Variants in IBTK observed in about 807,000 individuals in gnomAD.
IBTK encodes BTK-binding protein.
Under a neutral mutation model 154.9 loss-of-function variants are expected in IBTK, and 83 were observed. That is an observed-to-expected ratio of 0.54 (90% CI 0.45 to 0.64). The LOEUF is 0.64. IBTK is among the 30% of genes least tolerant of loss of function. The probability of loss-of-function intolerance (pLI) is 0.00; values close to 1 mark genes in which losing one functional copy is unlikely to be tolerated. For missense variants in IBTK, 1,332 were observed against 1,584.6 expected (o/e 0.84, Z 2.71); for synonymous variants, 515 against 536.1 (o/e 0.96, Z 0.54).
chr6:82,182,034 A>G lies in IBTK; in HGVS notation c.3576-6T>C. 2 of 1,587,664 alleles carry G rather than the reference A, an allele frequency of 1.3e-6. No individual in the cohort carries two copies. The highest frequency in any genetic ancestry group is 1.7e-6 in the Non-Finnish European group (2 of 1,174,386). On this transcript the variant is annotated splice_region_variant and splice_polypyrimidine_tract_variant and intron_variant, in intron 25 of 28. Transcript: ENST00000306270. ...CTGAATGCAGAGAAGATGCCCTGCA[A>G]AAGAAAGCAAAGATCATGTTAAAAC...
intron 17 of IBTK, among the ~76,000 whole-genome samples, chr6:82,203,484 G>C (rs1412940159): frequency 6.6e-6 from 1 of 152,076 alleles, no homozygotes. Flanking sequence ...GTCAATAATG[G>C]TCTCTGTCTC....
chr6:82,188,308 CT>C (rs915883510), intron 25 of IBTK, among the ~76,000 whole-genome samples: 4 of 149,892 alleles, frequency 2.7e-5, no homozygotes, highest in East Asian at 3.9e-4. Context: ...TTTTAGCTTT[CT>C]TTTTTTTGGT....
intron 4 of IBTK, among the ~76,000 whole-genome samples, chr6:82,229,308 G>A (rs1052147588): frequency 4.6e-5 from 7 of 151,998 alleles, no homozygotes; most frequent in Non-Finnish European, 1.0e-4. Flanking sequence ...TCACAACCCT[G>A]GCAAATGGAA....
At chr6:82,204,272 G>C (rs1329756178) in intron 17 of IBTK, among the ~76,000 whole-genome samples, 1 of 152,122 alleles carries the variant, frequency 6.6e-6, no homozygotes, top group Non-Finnish European at 1.5e-5. Flanking sequence ...GACCAACATA[G>C]TTAAAAGGAA....
At chr6:82,230,041 A>C (rs1328158875) in intron 4 of IBTK, among the ~76,000 whole-genome samples, 2 of 152,200 alleles carry the variant, frequency 1.3e-5, no homozygotes, top group African/African-American at 2.4e-5. Context: ...TGAGAATGAA[A>C]GGGGATACTA....
intron 13 of IBTK, among the ~76,000 whole-genome samples, chr6:82,212,444 G>T (rs1769688465): frequency 6.6e-6 from 1 of 151,938 alleles, no homozygotes; most frequent in South Asian, 2.1e-4. Flanking sequence ...CAAAATTCAG[G>T]CAAGAAAAAA....
intron 8 of IBTK, among the ~76,000 whole-genome samples, chr6:82,222,994 T>C (rs1770155151): frequency 6.6e-6 from 1 of 152,088 alleles, no homozygotes; most frequent in South Asian, 2.1e-4. Context: ...AACATGTTTT[T>C]TTAAAAAATA....
At chr6:82,233,171 A>G (rs1562105477) in intron 3 of IBTK, among the ~76,000 whole-genome samples, 1 of 151,752 alleles carries the variant, frequency 6.6e-6, no homozygotes, top group Non-Finnish European at 1.5e-5. Flanking sequence ...AAAAAAAAAA[A>G]AAAAAATTAA....
chr6:82,212,427 C>A (rs1434235010), intron 13 of IBTK, among the ~76,000 whole-genome samples: 1 of 151,958 alleles, frequency 6.6e-6, no homozygotes, highest in Non-Finnish European at 1.5e-5. Context: ...CTAATTATAA[C>A]AAGGCACAAA....
chr6:82,221,891 G>A (rs1257752662), intron 8 of IBTK, among the ~76,000 whole-genome samples: 1 of 152,158 alleles, frequency 6.6e-6, no homozygotes, highest in East Asian at 1.9e-4. Flanking sequence ...TCTGCCAGGT[G>A]CAGTGGCTCA....
intron 16 of IBTK, among the ~76,000 whole-genome samples, chr6:82,208,187 ATC>A (rs1264592277): frequency 8.6e-5 from 13 of 151,006 alleles, no homozygotes; most frequent in Non-Finnish European, 8.8e-5. Context: ...TGTGGTAATT[ATC>A]TCTCTCTATA....
intron 16 of IBTK, among the ~76,000 whole-genome samples, chr6:82,207,723 G>A (rs1036009304): frequency 6.6e-6 from 1 of 152,110 alleles, no homozygotes; most frequent in African/African-American, 2.4e-5. Context: ...TGCTGTACTG[G>A]CATAAAGAGA....
At position 82,173,674 on chromosome 6, in the gene IBTK, A is replaced by AATATATATATATATATATATATATATAT. The variant is rs35757334; in HGVS notation, c.3726-237_3726-236insATATATATATATATATATATATATATAT. 426 of 197,192 alleles carry AATATATATATATATATATATATATATAT rather than the reference A, an allele frequency of 2.2e-3. 11 individuals carry two copies. The highest frequency in any genetic ancestry group is 0.01 in the African/African-American group (383 of 38,180). The allele number at this position is 197,192 out of a possible 1,614,324, so 12.2% of individuals were successfully genotyped here. On this transcript the variant is annotated intron_variant, in intron 26 of 28. Transcript: ENST00000306270. ...AAGAAATAGCCTATTTCTAATAATA[A>AATATATATATATATATATATATATATAT]ATATATATATACACACACCAGATAA...
chr6:82,235,054 T>C (rs1341142835), intron 2 of IBTK, among the ~76,000 whole-genome samples: 1 of 151,516 alleles, frequency 6.6e-6, no homozygotes, highest in Non-Finnish European at 1.5e-5. Flanking sequence ...AGAGATGGGG[T>C]TTCACCATGT....
At position 82,206,009 on chromosome 6, in the gene IBTK, A is replaced by C. The variant is rs957637941; in HGVS notation, c.2510-1051T>G. The C allele has an allele frequency of 2.6e-5, 4 of 152,210 alleles. 1 individual carries two copies. The highest frequency in any genetic ancestry group is 9.7e-5 in the African/African-American group (4 of 41,442). 9.4% of individuals were successfully genotyped at this position (152,210 alleles called of 1,614,324 possible). ...TTCTAATCCTCTCCTCTAAAAAAAA[A>C]CAGACAACTGTGGAAAATTGTCATA... is the stretch of plus-strand genomic sequence containing the variant. On this transcript the variant is annotated intron_variant, in intron 16 of 28. Transcript: ENST00000306270.
At chr6:82,186,179 C>G (rs1473738112) in intron 25 of IBTK, among the ~76,000 whole-genome samples, 1 of 152,066 alleles carries the variant, frequency 6.6e-6, no homozygotes, top group African/African-American at 2.4e-5. Context: ...CATCTCTCTC[C>G]CTCTCCTCCT....
intron 16 of IBTK, among the ~76,000 whole-genome samples, chr6:82,206,450 G>A (rs972113183): frequency 3.9e-5 from 6 of 152,148 alleles, no homozygotes; most frequent in Admixed American, 3.9e-4. Context: ...CTACAAAGAA[G>A]AGTCCAGGAC....
rs1386031007 is a variant in IBTK, at chr6:82,182,027, C to T, written c.3577G>A (p.Ala1193Thr). The T allele has an allele frequency of 6.3e-7, 1 of 1,590,408 alleles. No homozygotes were observed. The highest frequency in any genetic ancestry group is 8.5e-7 in the Non-Finnish European group (1 of 1,175,016). ...SKAPKPVNAWASSLHSVSSKS... is the reference protein window; with the variant it reads ...SKAPKPVNAWTSSLHSVSSKS... Reference sequence around the variant, plus strand: ...GATGAAACTGAATGCAGAGAAGATGCCCTGCAAAAGAAAGCAAAGATCATG... The same window carrying T: ...GATGAAACTGAATGCAGAGAAGATGTCCTGCAAAAGAAAGCAAAGATCATG... The change falls in exon 26 of 29, where the codon GCA becomes ACA. Residue 1193 changes from alanine to threonine, a missense_variant and splice_region_variant. By Grantham distance (58) the Ala-to-Thr change is moderately conservative. Coordinates refer to ENST00000306270, the MANE Select transcript of IBTK (RefSeq NM_015525.4).
rs1769810576 is a variant in IBTK, at chr6:82,214,844, AAAAC to A, written c.1602-19_1602-16del. 3.3e-6 allele frequency: 5 copies of A among 1,530,902 alleles called. No homozygotes were observed. In the East Asian group the frequency reaches 1.1e-4, roughly 35 times the overall value. 94.8% of individuals were successfully genotyped at this position (1,530,902 alleles called of 1,614,324 possible). A position where few individuals can be genotyped will look rare whatever the true frequency, so the allele number is the denominator to read the frequency against. ...TTTCATAAAGGCTAGAAAGAAGACA[AAAAC>A]AAATTATGCTTCAAAAAATATGAAG... is the stretch of plus-strand genomic sequence containing the variant. On this transcript the variant is annotated splice_polypyrimidine_tract_variant and intron_variant, in intron 11 of 28. Coordinates refer to ENST00000306270, the MANE Select transcript of IBTK (RefSeq NM_015525.4).
Sources: gnomAD v4.1 joint callset for allele counts (sites outside exome capture counted in the v4.1 genomes callset) on GRCh38, gnomAD v4.1.1 for gene constraint, MANE v1.5 for transcripts, NCBI Gene and HGNC (gene_info 2026-07-23, HGNC 2026-07-21) for gene names.